SLC12A2: variants seen among roughly 807,000 people sequenced by gnomAD.
SLC12A2 encodes Na-K-2Cl cotransporter 1.
A neutral mutation model predicts 136.3 loss-of-function variants in SLC12A2; 67 were observed. The ratio of observed to expected loss-of-function variants is 0.49; its 90% confidence interval spans 0.40 to 0.60. The LOEUF (loss-of-function observed/expected upper bound fraction) is 0.60. Among genes scored for constraint, SLC12A2 ranks in the 20% least tolerant of loss-of-function variants. The pLI, the probability that SLC12A2 is intolerant of heterozygous loss-of-function variation, is 0.00. For missense variants in SLC12A2, 1,322 were observed against 1,534.7 expected (o/e 0.86, Z 2.32); for synonymous variants, 619 against 562.9 (o/e 1.10, Z -1.41).
intron 10 of SLC12A2, among the ~76,000 whole-genome samples, chr5:128,145,655 A>G (rs985901925): frequency 7.2e-5 from 11 of 152,058 alleles, no homozygotes; most frequent in Non-Finnish European, 1.3e-4. Flanking sequence ...TTCATATTTA[A>G]CCTTAAATCT....
At chr5:128,111,547 C>T (rs1303569827) in intron 1 of SLC12A2, among the ~76,000 whole-genome samples, 4 of 151,948 alleles carry the variant, frequency 2.6e-5, no homozygotes, top group East Asian at 3.9e-4. Context: ...GGGCAGATCA[C>T]GAGGTCAGGA....
chr5:128,101,920 T>G (rs370485226), intron 1 of SLC12A2, among the ~76,000 whole-genome samples: 1 of 152,220 alleles, frequency 6.6e-6, no homozygotes, highest in African/African-American at 2.4e-5. Context: ...GATTTCATAT[T>G]TGTATGCAAA....
chr5:128,083,816 A>C lies in SLC12A2; in HGVS notation c.-139A>C. ...GGTGGCCTCTGTGGCCGTCCAGGCT[A>C]GCGGCGGCCCGCAGGCGGCGGGGAG... is the stretch of plus-strand genomic sequence containing the variant. On this transcript the variant is annotated 5_prime_UTR_variant, in exon 1 of 27. Coordinates refer to ENST00000262461, the MANE Select transcript of SLC12A2 (RefSeq NM_001046.3). 1.6e-6 allele frequency: 1 copy of C among 609,814 alleles called. No homozygotes were observed. The highest frequency in any genetic ancestry group is 2.3e-6 in the Non-Finnish European group (1 of 428,424). 37.8% of individuals were successfully genotyped at this position (609,814 alleles called of 1,614,324 possible).
At chr5:128,170,637 T>A (rs1763343349) in intron 18 of SLC12A2, 1 of 152,170 alleles carries the variant, frequency 6.6e-6, no homozygotes, top group Non-Finnish European at 1.5e-5. Flanking sequence ...TGTTACCACT[T>A]TCAGAGAACA....
chr5:128,178,353 T>C (rs1247927058), intron 21 of SLC12A2: 1 of 309,620 alleles, frequency 3.2e-6, no homozygotes, highest in East Asian at 5.2e-5. Flanking sequence ...TGGATTGGTT[T>C]AGCTATTGTA....
chr5:128,103,255 C>G (rs1760809469), intron 1 of SLC12A2, among the ~76,000 whole-genome samples: 1 of 152,186 alleles, frequency 6.6e-6, no homozygotes, highest in Admixed American at 6.5e-5. Context: ...TATTTTCTCA[C>G]TTCGTCTTCT....
intron 2 of SLC12A2, among the ~76,000 whole-genome samples, chr5:128,113,818 T>G (rs1437528370): frequency 2.0e-5 from 3 of 152,182 alleles, no homozygotes; most frequent in African/African-American, 7.2e-5. Context: ...GCTGAAGAAA[T>G]CATGAAATGA....
intron 1 of SLC12A2, among the ~76,000 whole-genome samples, chr5:128,107,436 TC>T (rs1252943580): frequency 6.6e-6 from 1 of 152,220 alleles, no homozygotes; most frequent in East Asian, 1.9e-4. Flanking sequence ...CTGCTGTCCC[TC>T]CCCTACCCCT....
Position 128,180,994 on chromosome 5 carries a change from C to A in SLC12A2, c.3212C>A (p.Ala1071Glu). Residue 1071 changes from alanine to glutamate, a missense_variant and splice_region_variant, in exon 23 of 27, where the codon GCG (alanine) becomes GAG (glutamate). Physicochemically the swap from Ala to Glu is moderately radical, Grantham distance 107. Coordinates refer to ENST00000262461, the MANE Select transcript of SLC12A2 (RefSeq NM_001046.3). ...KINRIDHDRRAMATLLSKFRI... is the reference protein window; with the variant it reads ...KINRIDHDRREMATLLSKFRI... Reference sequence around the variant, plus strand: ...AACAGAATAGACCATGACCGGAGAGCGTAAGTTTATTTCACATTGAAGGGC... The same window carrying A: ...AACAGAATAGACCATGACCGGAGAGAGTAAGTTTATTTCACATTGAAGGGC... 6.5e-7 allele frequency: 1 copy of A among 1,550,246 alleles called. No homozygotes were observed. Among genetic ancestry groups the A allele is most frequent in the Non-Finnish European group, 8.9e-7 (1 of 1,122,886 alleles).
chr5:128,158,849 CCTCACCAGCATCTGTGTTT>C (rs1762945231), intron 16 of SLC12A2, among the ~76,000 whole-genome samples: 1 of 146,490 alleles, frequency 6.8e-6, no homozygotes, highest in Non-Finnish European at 1.5e-5. Flanking sequence ...TTCTCTGCAA[CCTCACCAGCATCTGTGTTT>C]TTTTTTTTTT....
rs748872393 is a variant in SLC12A2 at position 128,134,239 on chromosome 5, A to C, written c.1263A>C (p.Leu421Phe). Residue 421 changes from leucine to phenylalanine, a missense_variant, in exon 6 of 27, where the codon TTA (leucine) becomes TTC (phenylalanine). Transcript: ENST00000262461. ...IIGAITVVIL[L>F]GISVAGMEWE... ...GAGCCATTACAGTCGTGATTCTTTT[A>C]GGTATCTCAGTAGCTGGAATGGAGT... The C allele has an allele frequency of 6.2e-7, 1 of 1,603,918 alleles. No homozygotes were observed. Among genetic ancestry groups the C allele is most frequent in the African/African-American group, 1.3e-5 (1 of 74,714 alleles).
At chr5:128,149,097 TTTCC>T (rs1762617745) in intron 12 of SLC12A2, among the ~76,000 whole-genome samples, 1 of 151,854 alleles carries the variant, frequency 6.6e-6, no homozygotes, top group Admixed American at 6.6e-5. Context: ...CTAGGCTCTT[TTTCC>T]TAAAACAAAT....
chr5:128,093,329 T>C (rs997328346), intron 1 of SLC12A2, among the ~76,000 whole-genome samples: 1 of 152,144 alleles, frequency 6.6e-6, no homozygotes, highest in African/African-American at 2.4e-5. Context: ...ACTTTTCTCC[T>C]TCCTTGTTCC....
At chr5:128,111,209 A>G (rs1761131899) in intron 1 of SLC12A2, among the ~76,000 whole-genome samples, 1 of 152,204 alleles carries the variant, frequency 6.6e-6, no homozygotes, top group South Asian at 2.1e-4. Flanking sequence ...ATATATATAC[A>G]CACAATTATT....
chr5:128,132,673 T>A (rs1366008085), intron 5 of SLC12A2, among the ~76,000 whole-genome samples: 1 of 152,146 alleles, frequency 6.6e-6, no homozygotes, highest in Non-Finnish European at 1.5e-5. Flanking sequence ...TAGTAAATGG[T>A]ACATAAGGAA....
At chr5:128,126,966 A>ATTTTTTTTTTTTT (rs1554105175) in intron 4 of SLC12A2, among the ~76,000 whole-genome samples, 2 of 21,156 alleles carry the variant, frequency 9.5e-5, no homozygotes, top group Non-Finnish European at 1.5e-4. Flanking sequence ...ATATATATAT[A>ATTTTTTTTTTTTT]TTTTTTTTTT....
At chr5:128,115,994 G>T (rs762719092) in intron 4 of SLC12A2, among the ~76,000 whole-genome samples, 1 of 152,152 alleles carries the variant, frequency 6.6e-6, no homozygotes, top group Non-Finnish European at 1.5e-5. Context: ...GAGCTATATT[G>T]GGATATACAG....
intron 5 of SLC12A2, among the ~76,000 whole-genome samples, chr5:128,131,898 T>G (rs925880979): frequency 2.6e-5 from 4 of 151,416 alleles, no homozygotes; most frequent in Admixed American, 2.6e-4. Context: ...CCAGTTACTC[T>G]GGAGGCTGAG....
At chr5:128,165,081 A>G (rs1173830813) in intron 17 of SLC12A2, among the ~76,000 whole-genome samples, 4 of 151,942 alleles carry the variant, frequency 2.6e-5, no homozygotes, top group African/African-American at 9.7e-5. Flanking sequence ...AGCTTGAACA[A>G]TCCTCCTACC....
Sources: gnomAD v4.1 joint callset for allele counts (sites outside exome capture counted in the v4.1 genomes callset) on GRCh38, gnomAD v4.1.1 for gene constraint, MANE v1.5 for transcripts, NCBI Gene and HGNC (gene_info 2026-07-23, HGNC 2026-07-21) for gene names.